PLCG2: variants seen among roughly 807,000 people sequenced by gnomAD.
PLCG2 encodes 1-phosphatidylinositol 4,5-bisphosphate phosphodiesterase gamma-2.
In PLCG2, 69 loss-of-function variants were observed where a neutral mutation model predicts 175.6. The ratio of observed to expected loss-of-function variants is 0.39; its 90% CI spans 0.32 to 0.48. The LOEUF (loss-of-function observed/expected upper bound fraction) is 0.48, where lower values mean the gene tolerates loss of function less well. Ranked by LOEUF, PLCG2 falls within the 20% of genes least tolerant of loss-of-function variation. PLCG2 has a pLI of 0.91. For missense variants in PLCG2, 1,798 were observed against 1,650.9 expected (o/e 1.09, Z -1.54); for synonymous variants, 827 against 624.0 (o/e 1.33, Z -4.85).
At chr16:81,842,499 GA>G (rs1905888246) in intron 2 of PLCG2, among the ~76,000 whole-genome samples, 3 of 152,184 alleles carry the variant, frequency 2.0e-5, no homozygotes. Flanking sequence ...CTGAAAGTCG[GA>G]AAAGAGGTTG....
At chr16:81,849,355 G>T (rs971176186) in intron 2 of PLCG2, among the ~76,000 whole-genome samples, 1 of 152,172 alleles carries the variant, frequency 6.6e-6, no homozygotes, top group African/African-American at 2.4e-5. Context: ...AAGTAGAATT[G>T]TTAAAATCTG....
intron 1 of PLCG2, chr16:81,783,018 G>C (rs964027187): frequency 9.3e-6 from 4 of 430,642 alleles, no homozygotes; most frequent in African/African-American, 6.2e-5. Flanking sequence ...TGATCCACTG[G>C]GCTTCGAAGC....
At chr16:81,868,278 C>G (rs1468861628) in intron 5 of PLCG2, among the ~76,000 whole-genome samples, 1 of 152,024 alleles carries the variant, frequency 6.6e-6, no homozygotes, top group Non-Finnish European at 1.5e-5. Flanking sequence ...ACAGTAGGTG[C>G]TCATGTAGGC....
At chr16:81,835,946 G>A (rs1597345713) in intron 2 of PLCG2, among the ~76,000 whole-genome samples, 2 of 152,250 alleles carry the variant, frequency 1.3e-5, no homozygotes, top group East Asian at 3.9e-4. Context: ...TCTTGGGTTA[G>A]GACCCACCCT....
chr16:81,818,161 A>C (rs1278839591), intron 2 of PLCG2, among the ~76,000 whole-genome samples: 1 of 151,948 alleles, frequency 6.6e-6, no homozygotes, highest in Non-Finnish European at 1.5e-5. Flanking sequence ...TTAAGCTCTT[A>C]CTCCCGTTAG....
At chr16:81,915,283 T>G (rs1567530978) in intron 19 of PLCG2, among the ~76,000 whole-genome samples, 2 of 152,228 alleles carry the variant, frequency 1.3e-5, no homozygotes, top group African/African-American at 4.8e-5. Context: ...GTGCCTCTCC[T>G]GTGCCAGGCA....
At chr16:81,761,782 G>A (rs1282121971) in intron 2 of PLCG2, among the ~76,000 whole-genome samples, 5 of 149,906 alleles carry the variant, frequency 3.3e-5, no homozygotes, top group Admixed American at 1.3e-4. Context: ...AAAAAGGGTT[G>A]TATAGCAAGC....
chr16:81,797,125 G>A (rs1310618444), intron 2 of PLCG2, among the ~76,000 whole-genome samples: 1 of 152,184 alleles, frequency 6.6e-6, no homozygotes, highest in African/African-American at 2.4e-5. Context: ...GTGGGTAAAC[G>A]AGGGAGGCAG....
At chr16:81,776,821 C>T (rs1413792854), upstream of PLCG2, among the ~76,000 whole-genome samples, 4 of 152,168 alleles carry the variant, frequency 2.6e-5, no homozygotes, top group South Asian at 2.1e-4. Context: ...TCCCAAAGTG[C>T]TGGGATTACA....
At chr16:81,922,767 G>A (rs1426450436) in intron 21 of PLCG2, among the ~76,000 whole-genome samples, 1 of 152,218 alleles carries the variant, frequency 6.6e-6, no homozygotes, top group African/African-American at 2.4e-5. Flanking sequence ...CAACGTCAGA[G>A]CTTTTCCCAC....
chr16:81,851,574 G>C (rs974484200), intron 2 of PLCG2, among the ~76,000 whole-genome samples: 1 of 152,092 alleles, frequency 6.6e-6, no homozygotes, highest in Non-Finnish European at 1.5e-5. Context: ...GTGCAGTGGC[G>C]TGGTCTCGGC....
chr16:81,802,228 T>A (rs1911760514), intron 2 of PLCG2, among the ~76,000 whole-genome samples: 1 of 149,216 alleles, frequency 6.7e-6, no homozygotes, highest in African/African-American at 2.5e-5. Flanking sequence ...TTCTCTTGCC[T>A]CAGCCTCCAC....
rs530976087 is a variant in PLCG2 at position 81,946,458 on chromosome 16, T to G, written c.3570+195T>G. Reference sequence around the variant, plus strand: ...GGGTTTTCCCTCCCAGCATCCTCCTTTCCTGGAGAATGCTGTGTGATTCTG... The same window carrying G: ...GGGTTTTCCCTCCCAGCATCCTCCTGTCCTGGAGAATGCTGTGTGATTCTG... On this transcript the variant is annotated intron_variant, in intron 31 of 32. Transcript: ENST00000564138. Among the ~76,000 whole-genome samples the G allele has an allele frequency of 1.3e-4, 20 of 152,256 alleles. No homozygotes were observed. The East Asian group carries it at 3.7e-3, about 28-fold the overall frequency.
intron 1 of PLCG2, among the ~76,000 whole-genome samples, chr16:81,751,329 T>C (rs1007045974): frequency 6.6e-6 from 1 of 152,114 alleles, no homozygotes; most frequent in Non-Finnish European, 1.5e-5. Flanking sequence ...TGCGACAACA[T>C]GGATAAAGAT....
intron 28 of PLCG2, 91 bp from the exon 29 acceptor site, chr16:81,938,710 C>G (rs1191027169): frequency 1.4e-6 from 1 of 715,676 alleles, no homozygotes; most frequent in Non-Finnish European, 2.4e-6. Context: ...TTGAACTCAT[C>G]CAGTGTCACT....
chr16:81,871,860 A>T (rs1044537363), intron 7 of PLCG2, among the ~76,000 whole-genome samples: 1 of 144,098 alleles, frequency 6.9e-6, no homozygotes, highest in African/African-American at 2.5e-5. Flanking sequence ...GAATGTCTCA[A>T]TGGAGGAATT....
intron 12 of PLCG2, 116 bp from the exon 13 acceptor site, chr16:81,895,691 T>C: frequency 8.8e-7 from 1 of 1,140,836 alleles, no homozygotes; most frequent in Non-Finnish European, 1.3e-6. Flanking sequence ...GGCAGCCGAA[T>C]GGAGGGAGTG....
chr16:81,746,496 C>G (rs1227813622), intron 1 of PLCG2, among the ~76,000 whole-genome samples: 1 of 152,204 alleles, frequency 6.6e-6, no homozygotes, highest in African/African-American at 2.4e-5. Context: ...GTCCAAGAGC[C>G]AGGGGTGGGA....
Position 81,799,759 on chromosome 16 carries a change from AT to A in PLCG2, c.193+13584del, listed in dbSNP as rs1911639327. Among the ~76,000 whole-genome samples the A allele has an allele frequency of 2.6e-5, 4 of 151,506 alleles. No homozygotes were observed. The South Asian group carries it at 8.3e-4, about 32-fold the overall frequency. On this transcript the variant is annotated intron_variant, in intron 2 of 32. Coordinates refer to ENST00000564138, the MANE Select transcript of PLCG2 (RefSeq NM_002661.5). Reference sequence around the variant, plus strand: ...AGGCGCCCGCCACCACACTTGGCTAATTTTTTTGTATTTTTAGTGGAGATGG... The same window carrying A: ...AGGCGCCCGCCACCACACTTGGCTAATTTTTTGTATTTTTAGTGGAGATGG...
Sources: gnomAD v4.1 joint callset for allele counts (sites outside exome capture counted in the v4.1 genomes callset) on GRCh38, gnomAD v4.1.1 for gene constraint, MANE v1.5 for transcripts, NCBI Gene and HGNC (gene_info 2026-07-23, HGNC 2026-07-21) for gene names.